MIS18A: variants seen among roughly 807,000 people sequenced by gnomAD.
MIS18A encodes MIS18 kinetochore protein A, also known as protein Mis18-alpha.
MIS18A carries 14 observed loss-of-function variants against 25.0 expected under a neutral mutation model. That is an observed-to-expected ratio of 0.56 (90% CI 0.37 to 0.88). The LOEUF (loss-of-function observed/expected upper bound fraction) is 0.88. Among genes scored for constraint, MIS18A ranks in the 40% least tolerant of loss-of-function variants. The probability of loss-of-function intolerance (pLI) is 0.00; values close to 1 mark genes in which losing one functional copy is unlikely to be tolerated. For missense variants in MIS18A, 292 were observed against 290.8 expected, an observed-to-expected ratio of 1.00 and a Z score of -0.03; for synonymous variants, 134 against 118.6, an observed-to-expected ratio of 1.13 and a Z score of -0.84.
At chr21:32,203,510 AG>A in the MIS18A span, among the ~76,000 whole-genome samples, 1 of 137,624 alleles carries the variant, frequency 7.3e-6, no homozygotes, top group Admixed American at 7.6e-5. Context: ...AAAAAAAAAA[AG>A]GTAGTGTTAC....
In MIS18A at chr21:32,270,490, A is replaced by G; in HGVS notation, c.441T>C (p.Asn147=). 1 of 1,608,082 alleles carries G rather than the reference A, an allele frequency of 6.2e-7. No homozygotes were observed. The highest frequency in any genetic ancestry group is 8.5e-7 in the Non-Finnish European group (1 of 1,177,706). Residue 147 remains asparagine, a synonymous_variant, in exon 3 of 5, where the codon AAT becomes AAC. Transcript: ENST00000290130. ...ETLCCAGCSL[N]LGYVYRCTPK... ...GCGTGCATCTGTACACGTAGCCAAG[A>G]TTGAGTGAGCACCCCGCGCAGCACA...
At chr21:32,239,584 C>G in the MIS18A span, among the ~76,000 whole-genome samples, 6 of 152,210 alleles carry the variant, frequency 3.9e-5, no homozygotes, top group Non-Finnish European at 7.3e-5. Flanking sequence ...AGGTTCCCCA[C>G]GAAGGTGCCA....
At chr21:32,258,760 G>A in the MIS18A span, among the ~76,000 whole-genome samples, 1 of 152,184 alleles carries the variant, frequency 6.6e-6, no homozygotes, top group Non-Finnish European at 1.5e-5. Context: ...GAACGTGCCT[G>A]GGGACCACCT....
At chr21:32,157,223 A>ATTTTTTTTTTTTTTTTTTTTTTTTTT in the MIS18A span, among the ~76,000 whole-genome samples, 4 of 72,322 alleles carry the variant, frequency 5.5e-5, no homozygotes, top group South Asian at 5.0e-4. Context: ...TACCCGGCTA[A>ATTTTTTTTTTTTTTTTTTTTTTTTTT]TTTTTTTTTT....
chr21:32,261,579 G>C, the MIS18A span: 1 of 152,274 alleles, frequency 6.6e-6, no homozygotes, highest in African/African-American at 2.4e-5. Flanking sequence ...GAATGAGCAC[G>C]TATTACGGGG....
chr21:32,265,351 T>C (rs921017571), downstream of MIS18A, among the ~76,000 whole-genome samples: 2 of 152,138 alleles, frequency 1.3e-5, no homozygotes, highest in Admixed American at 6.5e-5. Context: ...GAGCGGGAAC[T>C]GGGGCTGCGT....
At chr21:32,157,223 A>ATTTT in the MIS18A span, among the ~76,000 whole-genome samples, 38 of 72,320 alleles carry the variant, frequency 5.3e-4, 1 homozygote, top group Non-Finnish European at 6.8e-4. Context: ...TACCCGGCTA[A>ATTTT]TTTTTTTTTT....
At chr21:32,275,223 A>T (rs1196438428) in intron 1 of MIS18A, among the ~76,000 whole-genome samples, 3 of 152,198 alleles carry the variant, frequency 2.0e-5, no homozygotes, top group Non-Finnish European at 4.4e-5. Context: ...AAAAATTTTT[A>T]AATAAAAATT....
chr21:32,247,053 C>A, the MIS18A span, among the ~76,000 whole-genome samples: 1 of 152,138 alleles, frequency 6.6e-6, no homozygotes. Context: ...GAAGGCTTTC[C>A]CAGCAACTCT....
the MIS18A span, among the ~76,000 whole-genome samples, chr21:32,202,354 C>T: frequency 6.6e-6 from 1 of 151,878 alleles, no homozygotes; most frequent in Non-Finnish European, 1.5e-5. Flanking sequence ...TTGTTTTAAA[C>T]TTCAAAGGAA....
At chr21:32,209,658 T>C in the MIS18A span, among the ~76,000 whole-genome samples, 1 of 152,166 alleles carries the variant, frequency 6.6e-6, no homozygotes, top group Non-Finnish European at 1.5e-5. Context: ...ATAATCCTCA[T>C]GTGTGATGGG....
At chr21:32,155,532 G>A in the MIS18A span, among the ~76,000 whole-genome samples, 71,762 of 151,996 alleles carry the variant, frequency 0.47, 17,553 homozygotes, top group Middle Eastern at 0.61. Flanking sequence ...TAGTTTGACA[G>A]TTATAACAGT....
the MIS18A span, among the ~76,000 whole-genome samples, chr21:32,196,110 C>T: frequency 2.0e-5 from 3 of 152,144 alleles, no homozygotes; most frequent in Middle Eastern, 6.8e-3. Flanking sequence ...TTTGGTAAAA[C>T]GCTATCTGGG....
chr21:32,179,770 C>G, the MIS18A span, among the ~76,000 whole-genome samples: 1 of 152,142 alleles, frequency 6.6e-6, no homozygotes, highest in African/African-American at 2.4e-5. Flanking sequence ...ATGACTTTCT[C>G]GAGTTCAGAC....
At chr21:32,218,181 A>G in the MIS18A span, among the ~76,000 whole-genome samples, 1 of 130,832 alleles carries the variant, frequency 7.6e-6, no homozygotes. Context: ...CAACAGAGTG[A>G]GACTCCATCT....
the MIS18A span, among the ~76,000 whole-genome samples, chr21:32,164,264 G>A: frequency 1.3e-5 from 2 of 152,174 alleles, no homozygotes; most frequent in African/African-American, 4.8e-5. Flanking sequence ...TTTTAATCAG[G>A]TGCTGGGAAG....
chr21:32,175,646 G>GAAAAAAA, the MIS18A span, among the ~76,000 whole-genome samples: 11,416 of 135,236 alleles, frequency 0.084, 653 homozygotes, highest in South Asian at 0.14. Flanking sequence ...GGTCTCTACT[G>GAAAAAAA]AAAAAAAAAA....
intron 2 of MIS18A, among the ~76,000 whole-genome samples, chr21:32,272,356 A>G (rs965776294): frequency 2.0e-5 from 3 of 152,230 alleles, no homozygotes; most frequent in Admixed American, 2.0e-4. Context: ...AAAATTCACA[A>G]GCATCCCAAA....
At chr21:32,260,729 C>G in the MIS18A span, 1 of 152,396 alleles carries the variant, frequency 6.6e-6, no homozygotes, top group Non-Finnish European at 1.5e-5. Context: ...AAACAATACA[C>G]AGGCCAGGTG....
Sources: gnomAD v4.1 joint callset for allele counts (sites outside exome capture counted in the v4.1 genomes callset) on GRCh38, gnomAD v4.1.1 for gene constraint, MANE v1.5 for transcripts, NCBI Gene and HGNC (gene_info 2026-07-23, HGNC 2026-07-21) for gene names.